ERC1: variants seen among roughly 807,000 people sequenced by gnomAD.
ERC1 encodes the protein RAB6 interacting protein 2.
ERC1 carries 56 observed loss-of-function variants against 132.0 expected under a neutral mutation model. The ratio of observed to expected loss-of-function variants is 0.42; its 90% CI spans 0.34 to 0.53. ERC1 has a LOEUF of 0.53. Among genes scored for constraint, ERC1 ranks in the 20% least tolerant of loss-of-function variants. The pLI, the probability that ERC1 is intolerant of heterozygous loss-of-function variation, is 0.03. For synonymous variants in ERC1, 478 were observed against 476.1 expected (o/e 1.00, Z -0.05); for missense variants, 1,202 against 1,349.9 (o/e 0.89, Z 1.72).
chr12:1,204,562 C>G (rs756691034), intron 12 of ERC1: 4 of 1,543,706 alleles, frequency 2.6e-6, no homozygotes, highest in Admixed American at 1.7e-5. Context: ...GCGTTGTTTG[C>G]GAATATTGTC....
At chr12:1,149,454 A>G (rs182265671) in intron 8 of ERC1, among the ~76,000 whole-genome samples, 1 of 152,316 alleles carries the variant, frequency 6.6e-6, no homozygotes, top group African/African-American at 2.4e-5. Context: ...GCTGGAATGC[A>G]GTGGTGCAAT....
chr12:997,919 T>A (rs771268852), intron 1 of ERC1, among the ~76,000 whole-genome samples: 24 of 152,314 alleles, frequency 1.6e-4, no homozygotes, highest in Non-Finnish European at 2.8e-4. Flanking sequence ...TTGAAGACTT[T>A]TAGAGGAGTT....
intron 7 of ERC1, among the ~76,000 whole-genome samples, chr12:1,139,896 GAA>G (rs908530643): frequency 6.6e-6 from 1 of 150,882 alleles, no homozygotes; most frequent in Non-Finnish European, 1.5e-5. Flanking sequence ...TTGTGATTCA[GAA>G]AAAAAAATTT....
chr12:1,130,512 T>C (rs1401167225), intron 7 of ERC1, among the ~76,000 whole-genome samples: 4 of 152,222 alleles, frequency 2.6e-5, no homozygotes, highest in African/African-American at 4.8e-5. Context: ...ATAGCACTTA[T>C]TGCAGTATAC....
At chr12:1,407,592 C>A (rs971042139) in intron 16 of ERC1, among the ~76,000 whole-genome samples, 1 of 151,836 alleles carries the variant, frequency 6.6e-6, no homozygotes, top group Non-Finnish European at 1.5e-5. Context: ...GCCTCTTCCC[C>A]AAAAATTTCT....
At chr12:1,419,963 A>G (rs1184707706) in intron 17 of ERC1, among the ~76,000 whole-genome samples, 1 of 151,612 alleles carries the variant, frequency 6.6e-6, no homozygotes, top group African/African-American at 2.4e-5. Context: ...CCAGGTAAAC[A>G]TTTCAAGGTT....
intron 1 of ERC1, among the ~76,000 whole-genome samples, chr12:999,841 T>C (rs538096926): frequency 6.6e-6 from 1 of 152,218 alleles, no homozygotes; most frequent in Non-Finnish European, 1.5e-5. Context: ...GTGATCCGCC[T>C]GTCTTGGCCT....
intron 13 of ERC1, among the ~76,000 whole-genome samples, chr12:1,255,625 T>TGTTG (rs1369334784): frequency 4.4e-5 from 5 of 113,716 alleles, no homozygotes; most frequent in African/African-American, 1.5e-4. Context: ...CCTGGCCTTT[T>TGTTG]TTTTTTTTTT....
At chr12:1,180,368 A>C (rs1193308966) in intron 8 of ERC1, among the ~76,000 whole-genome samples, 172 bp from the exon 9 acceptor site, 11 of 151,956 alleles carry the variant, frequency 7.2e-5, no homozygotes, top group Admixed American at 7.2e-4. Context: ...TTTGCCTACA[A>C]ATTTAAGGTT....
At chr12:1,343,587 T>C (rs1161523839) in intron 15 of ERC1, among the ~76,000 whole-genome samples, 1 of 152,216 alleles carries the variant, frequency 6.6e-6, no homozygotes, top group Non-Finnish European at 1.5e-5. Flanking sequence ...GAGAGTTCTG[T>C]GGTGGTTAGT....
At chr12:1,012,295 C>T (rs1213855149) in intron 1 of ERC1, among the ~76,000 whole-genome samples, 1 of 151,944 alleles carries the variant, frequency 6.6e-6, no homozygotes, top group Non-Finnish European at 1.5e-5. Context: ...TCACTTAAAC[C>T]CTTTTAAACT....
At chr12:1,164,374 G>T (rs368826378) in intron 8 of ERC1, among the ~76,000 whole-genome samples, 1 of 150,764 alleles carries the variant, frequency 6.6e-6, no homozygotes, top group Non-Finnish European at 1.5e-5. Context: ...ACGGAGTCTC[G>T]CTCTGTTGCC....
intron 15 of ERC1, among the ~76,000 whole-genome samples, chr12:1,294,913 A>G (rs1158875741): frequency 6.6e-6 from 1 of 152,206 alleles, no homozygotes; most frequent in Non-Finnish European, 1.5e-5. Context: ...ACTCCCCTCA[A>G]GCTATGGATG....
At position 1,176,977 on chromosome 12, in the gene ERC1, T is replaced by G. The variant is rs78495007; in HGVS notation, c.1738-3563T>G. Among the ~76,000 whole-genome samples, 119 of 152,346 alleles carry G rather than the reference T, an allele frequency of 7.8e-4. 1 individual carries two copies. The East Asian group carries it at 0.021, about 26-fold the overall frequency. On this transcript the variant is annotated intron_variant, in intron 8 of 18. Coordinates refer to ENST00000360905, the MANE Select transcript of ERC1 (RefSeq NM_178040.4). ...TAGACCTGGATAACATGCTGCAGCT[T>G]CTCCGTCAGCACTTGCTGCTTTACT...
chr12:1,136,479 ATTC>A (rs1949262083), intron 7 of ERC1, among the ~76,000 whole-genome samples: 2 of 152,294 alleles, frequency 1.3e-5, no homozygotes, highest in East Asian at 3.9e-4. Context: ...TTTTGGCAAC[ATTC>A]TTCTCCATTA....
intron 12 of ERC1, among the ~76,000 whole-genome samples, chr12:1,191,554 T>C (rs1955736861): frequency 6.6e-6 from 1 of 152,224 alleles, no homozygotes; most frequent in Non-Finnish European, 1.5e-5. Flanking sequence ...TTCAGGCAGC[T>C]TGCTTGAAAA....
At chr12:1,176,722 A>G (rs1379351154) in intron 8 of ERC1, among the ~76,000 whole-genome samples, 2 of 152,132 alleles carry the variant, frequency 1.3e-5, no homozygotes, top group South Asian at 2.1e-4. Flanking sequence ...CTGGGATTAC[A>G]GGCATGGACC....
chr12:1,464,511 C>CTTTTTT lies in ERC1; in HGVS notation c.3213+19782_3213+19787dup, dbSNP rs34542821. On this transcript the variant is annotated intron_variant, in intron 18 of 18. Transcript: ENST00000360905. ...GCTTTGCAGCAAAGAATGCAAAAGC[C>CTTTTTT]TTTTTTTTTTTTTTTTTTTTTTTTT... 1.2e-3 allele frequency among the ~76,000 whole-genome samples: 84 copies of CTTTTTT among 67,444 alleles called. 1 individual carries two copies. The highest frequency in any genetic ancestry group is 4.3e-3 in the African/African-American group (78 of 17,976). 44.2% of individuals were successfully genotyped at this position (67,444 alleles called of 152,430 possible). A position where few individuals can be genotyped will look rare whatever the true frequency, so the allele number is the denominator to read the frequency against.
chr12:1,210,243 CA>C (rs1323782546), intron 12 of ERC1, among the ~76,000 whole-genome samples: 1 of 152,168 alleles, frequency 6.6e-6, no homozygotes, highest in Non-Finnish European at 1.5e-5. Flanking sequence ...TTTGAGGTCT[CA>C]GAATTTGAGA....
Sources: allele counts gnomAD v4.1 joint callset (sites outside exome capture counted in the v4.1 genomes callset), GRCh38; gene constraint gnomAD v4.1.1; transcripts MANE v1.5; gene names NCBI Gene and HGNC (gene_info 2026-07-23, HGNC 2026-07-21).